Variants in FLRT2 observed in about 807,000 individuals in gnomAD.
The protein encoded by FLRT2 is fibronectin leucine rich transmembrane protein 2.
FLRT2 carries 15 observed loss-of-function variants against 40.0 expected under a neutral mutation model. That is an observed-to-expected ratio of 0.38 (90% CI 0.25 to 0.58). The LOEUF (loss-of-function observed/expected upper bound fraction) is 0.58, where lower values mean the gene tolerates loss of function less well. Among genes scored for constraint, FLRT2 ranks in the 20% least tolerant of loss-of-function variants. The pLI is 0.71. For synonymous variants in FLRT2, 380 were observed against 336.8 expected (o/e 1.13, Z -1.41); for missense variants, 726 against 840.0 (o/e 0.86, Z 1.68).
rs1396198812 is a variant in FLRT2 at position 85,653,423 on chromosome 14, T to C, written c.*29926T>C. 1 of 152,192 alleles carries C rather than the reference T, an allele frequency of 6.6e-6. No homozygotes were observed. Among genetic ancestry groups the C allele is most frequent in the East Asian group, 1.9e-4 (1 of 5,196 alleles). 9.4% of individuals were successfully genotyped at this position (152,192 alleles called of 1,614,324 possible). On this transcript the variant is annotated 3_prime_UTR_variant, in exon 2 of 2. Coordinates refer to ENST00000330753, the MANE Select transcript of FLRT2 (RefSeq NM_013231.6). The stretch of plus-strand genomic sequence containing the variant: ...TCATTGAACATGGATGGATGCTCCA[T>C]TAAGTCATTTAAAATAAACTTCCTA...
At position 85,581,543 on chromosome 14, in the gene FLRT2, T is replaced by C. The variant is rs111806364; in HGVS notation, c.-376-39596T>C. 3.2e-3 allele frequency among the ~76,000 whole-genome samples: 483 copies of C among 152,310 alleles called. 2 individuals carry two copies. Among genetic ancestry groups the C allele is most frequent in the African/African-American group, 0.011 (449 of 41,574 alleles). Reference sequence around the variant, plus strand: ...TCACAGCCTGAGTCTTCGTGGGCCTTCATAGCACAAGTAAAAGAATATTAA... The same window carrying C: ...TCACAGCCTGAGTCTTCGTGGGCCTCCATAGCACAAGTAAAAGAATATTAA... On this transcript the variant is annotated intron_variant, in intron 1 of 1. Coordinates refer to ENST00000330753, the MANE Select transcript of FLRT2 (RefSeq NM_013231.6).
At chr14:85,539,431 A>C (rs1173231193) in intron 1 of FLRT2, among the ~76,000 whole-genome samples, 1 of 152,070 alleles carries the variant, frequency 6.6e-6, no homozygotes, top group Non-Finnish European at 1.5e-5. Flanking sequence ...ATAGCATTTC[A>C]CTCTTCAGCA....
chr14:85,579,925 A>ATTTTTTTTTTTTTTTTTTT (rs4015970), intron 1 of FLRT2, among the ~76,000 whole-genome samples: 3 of 117,584 alleles, frequency 2.6e-5, no homozygotes, highest in African/African-American at 3.3e-5. Flanking sequence ...GGGTATTAGA[A>ATTTTTTTTTTTTTTTTTTT]TTTTTTTTTT....
At chr14:85,564,248 A>G (rs1890512451) in intron 1 of FLRT2, among the ~76,000 whole-genome samples, 1 of 152,196 alleles carries the variant, frequency 6.6e-6, no homozygotes. Flanking sequence ...GTGACTATGT[A>G]TTACTCGAAT....
chr14:85,547,329 T>C (rs932201195), intron 1 of FLRT2, among the ~76,000 whole-genome samples: 3 of 148,336 alleles, frequency 2.0e-5, no homozygotes, highest in African/African-American at 7.3e-5. Flanking sequence ...TTCTTTCTTT[T>C]TTTTTTTTTT....
chr14:85,644,723 A>G lies in FLRT2; in HGVS notation c.*21226A>G, dbSNP rs1355367049. ...CTTCGATACTTTGGATTCAATACTT[A>G]GTAATCCCTAAAGCTGTGAATTTGG... On this transcript the variant is annotated 3_prime_UTR_variant, in exon 2 of 2. Coordinates refer to ENST00000330753, the MANE Select transcript of FLRT2 (RefSeq NM_013231.6). The G allele has an allele frequency of 6.6e-6, 1 of 152,214 alleles. No individual in the cohort carries two copies. The highest frequency in any genetic ancestry group is 1.5e-5 in the Non-Finnish European group (1 of 68,038). The allele number at this position is 152,214 out of a possible 1,614,324, so 9.4% of individuals were successfully genotyped here.
chr14:85,588,518 G>A (rs1384367376), intron 1 of FLRT2, among the ~76,000 whole-genome samples: 1 of 151,182 alleles, frequency 6.6e-6, no homozygotes, highest in Non-Finnish European at 1.5e-5. Context: ...ATATTTATGA[G>A]GTACATAAGA....
At chr14:85,566,793 T>A (rs1253829968) in intron 1 of FLRT2, among the ~76,000 whole-genome samples, 1 of 145,850 alleles carries the variant, frequency 6.9e-6, no homozygotes, top group East Asian at 2.1e-4. Flanking sequence ...AAAAAGAACA[T>A]ATCCCTTCTA....
chr14:85,621,504 G>A lies in FLRT2; in HGVS notation c.-11G>A, dbSNP rs558564181. On this transcript the variant is annotated 5_prime_UTR_variant, in exon 2 of 2. Coordinates refer to ENST00000330753, the MANE Select transcript of FLRT2 (RefSeq NM_013231.6). ...TCCCACCACATTGTATTTTATTTCC[G>A]TACTTCAGAAATGGGCCTACAGACC... 14 of 1,522,772 alleles carry A rather than the reference G, an allele frequency of 9.2e-6. No individual in the cohort carries two copies. Among genetic ancestry groups the A allele is most frequent in the East Asian group, 2.3e-5 (1 of 42,848 alleles). 94.3% of individuals were successfully genotyped at this position (1,522,772 alleles called of 1,614,324 possible).
At chr14:85,564,444 G>A (rs2139850330) in intron 1 of FLRT2, among the ~76,000 whole-genome samples, 1 of 152,268 alleles carries the variant, frequency 6.6e-6, no homozygotes, top group South Asian at 2.1e-4. Flanking sequence ...ACAATCACCA[G>A]TAACCCGGGT....
At chr14:85,563,222 A>G (rs1327556162) in intron 1 of FLRT2, among the ~76,000 whole-genome samples, 2 of 152,102 alleles carry the variant, frequency 1.3e-5, no homozygotes, top group African/African-American at 4.8e-5. Flanking sequence ...TTCCCAGGTA[A>G]TATCACAGTA....
chr14:85,593,712 T>C (rs932041019), intron 1 of FLRT2, among the ~76,000 whole-genome samples: 4 of 152,176 alleles, frequency 2.6e-5, no homozygotes, highest in Admixed American at 6.5e-5. Context: ...CCCCTTTAAT[T>C]GAAACAATTT....
At chr14:85,563,043 T>C (rs1294963248) in intron 1 of FLRT2, 10 of 127,686 alleles carry the variant, frequency 7.8e-5, no homozygotes, top group African/African-American at 3.0e-4. Context: ...TAAAGCAGTG[T>C]GATTTTTAAT....
rs1894069386 is a variant in FLRT2, at chr14:85,638,649, GTTA to G, written c.*15157_*15159del. On this transcript the variant is annotated 3_prime_UTR_variant, in exon 2 of 2. Coordinates refer to ENST00000330753, the MANE Select transcript of FLRT2 (RefSeq NM_013231.6). The stretch of plus-strand genomic sequence containing the variant: ...CTTGAATTCCTCCAACAATAGACCC[GTTA>G]TTATGTGAAAGTGTGAGGCTGGGCC... 1 of 152,106 alleles carries G rather than the reference GTTA, an allele frequency of 6.6e-6. No homozygotes were observed. Among genetic ancestry groups the G allele is most frequent in the African/African-American group, 2.4e-5 (1 of 41,414 alleles). 9.4% of individuals were successfully genotyped at this position (152,106 alleles called of 1,614,324 possible).
At chr14:85,614,959 TA>T (rs2139358702) in intron 1 of FLRT2, among the ~76,000 whole-genome samples, 1 of 152,334 alleles carries the variant, frequency 6.6e-6, no homozygotes, top group African/African-American at 2.4e-5. Flanking sequence ...CATATACTTT[TA>T]TATCTTATTA....
rs547450338 is a variant in FLRT2, at chr14:85,600,244, G to T, written c.-376-20895G>T. Among the ~76,000 whole-genome samples, 9 of 152,312 alleles carry T rather than the reference G, an allele frequency of 5.9e-5. No homozygotes were observed. In the South Asian group the frequency reaches 1.9e-3, roughly 32 times the overall value. On this transcript the variant is annotated intron_variant, in intron 1 of 1. Coordinates refer to ENST00000330753, the MANE Select transcript of FLRT2 (RefSeq NM_013231.6). ...TCAAAATGGAGAAGTCAGAAAAAGA[G>T]CTTGAAAGATTTGGTTTGAAGTTCC...
At chr14:85,558,066 T>C (rs1418560095) in intron 1 of FLRT2, among the ~76,000 whole-genome samples, 2 of 152,124 alleles carry the variant, frequency 1.3e-5, no homozygotes, top group African/African-American at 4.8e-5. Flanking sequence ...GCAGAAAGCA[T>C]CCGTAGACTT....
rs576107741 is a variant in FLRT2, at chr14:85,637,888, G to A, written c.*14391G>A. The A allele has an allele frequency of 3.9e-5, 6 of 152,290 alleles. No individual in the cohort carries two copies. Among genetic ancestry groups the A allele is most frequent in the African/African-American group, 1.4e-4 (6 of 41,572 alleles). The allele number at this position is 152,290 out of a possible 1,614,324, so 9.4% of individuals were successfully genotyped here. On this transcript the variant is annotated 3_prime_UTR_variant, in exon 2 of 2. Transcript: ENST00000330753. ...GTTAATTATATGAACCCATATAGTA[G>A]TGTCATTTAAAGGGAATTTAAATTC...
rs920711924 is a variant in FLRT2, at chr14:85,626,097, A to G, written c.*2600A>G. On this transcript the variant is annotated 3_prime_UTR_variant, in exon 2 of 2. Transcript: ENST00000330753. ...CAGGCTTTATTTTCACCTTGTGTAC[A>G]ACATGGCAAAGACTGCTAAGATTAA... is the stretch of plus-strand genomic sequence containing the variant. 1 of 167,078 alleles carries G rather than the reference A, an allele frequency of 6.0e-6. No individual in the cohort carries two copies. Among genetic ancestry groups the G allele is most frequent in the Non-Finnish European group, 1.5e-5 (1 of 68,136 alleles). The allele number at this position is 167,078 out of a possible 1,614,324, so 10.3% of individuals were successfully genotyped here.
Sources: gnomAD v4.1 joint callset for allele counts (sites outside exome capture counted in the v4.1 genomes callset) on GRCh38, gnomAD v4.1.1 for gene constraint, MANE v1.5 for transcripts, NCBI Gene and HGNC (gene_info 2026-07-23, HGNC 2026-07-21) for gene names.